The following FBXL20 variants were observed in gnomAD, a reference collection of about 807,000 sequenced individuals.
The protein encoded by FBXL20 is F-box/LRR-repeat protein 20.
FBXL20 carries 11 observed loss-of-function variants against 64.0 expected under a neutral mutation model. The ratio of observed to expected loss-of-function variants is 0.17; its 90% CI spans 0.11 to 0.28. The LOEUF (loss-of-function observed/expected upper bound fraction) is 0.28, where lower values mean the gene tolerates loss of function less well. Ranked by LOEUF, FBXL20 falls within the 10% of genes least tolerant of loss-of-function variation. FBXL20 has a pLI of 1.00. For synonymous variants in FBXL20, 184 were observed against 189.0 expected, an observed-to-expected ratio of 0.97 and a Z score of 0.22; for missense variants, 303 against 526.2, an observed-to-expected ratio of 0.58 and a Z score of 4.15.
At chr17:39,327,396 A>T (rs960956734) in intron 2 of FBXL20, among the ~76,000 whole-genome samples, 3 of 152,184 alleles carry the variant, frequency 2.0e-5, no homozygotes, top group South Asian at 2.1e-4. Flanking sequence ...TAAACATATT[A>T]TGGAGTTATA....
intron 2 of FBXL20, among the ~76,000 whole-genome samples, chr17:39,340,184 C>T (rs1184615139): frequency 2.0e-5 from 3 of 152,086 alleles, no homozygotes; most frequent in South Asian, 2.1e-4. Flanking sequence ...GCAACCTCTG[C>T]CTCCCGGGTT....
At chr17:39,301,166 G>T in intron 3 of FBXL20, 91 bp from the exon 4 acceptor site, 1 of 1,143,856 alleles carries the variant, frequency 8.7e-7, no homozygotes, top group Non-Finnish European at 1.3e-6. Flanking sequence ...ACCAACTAAT[G>T]ACTAAAATGG....
intron 1 of FBXL20, among the ~76,000 whole-genome samples, chr17:39,373,420 A>C (rs781770726): frequency 6.6e-6 from 1 of 152,138 alleles, no homozygotes; most frequent in Non-Finnish European, 1.5e-5. Context: ...ACTGCTTAGA[A>C]CTGCGGGCTG....
intron 2 of FBXL20, among the ~76,000 whole-genome samples, chr17:39,334,645 A>G (rs1597804155): frequency 1.3e-5 from 2 of 152,334 alleles, no homozygotes; most frequent in East Asian, 3.8e-4. Context: ...ATTCTTTTTT[A>G]CCTGAATCCT....
At chr17:39,272,701 C>CAAAAAAAAAAAAA (rs56138431) in intron 10 of FBXL20, among the ~76,000 whole-genome samples, 2 of 98,866 alleles carry the variant, frequency 2.0e-5, no homozygotes, top group Admixed American at 1.1e-4. Context: ...AACTCTATCT[C>CAAAAAAAAAAAAA]AAAAAAAAAA....
intron 2 of FBXL20, among the ~76,000 whole-genome samples, chr17:39,332,585 A>AGT: frequency 7.7e-6 from 1 of 129,646 alleles, no homozygotes; most frequent in South Asian, 2.4e-4. Flanking sequence ...CTCTGTGCCC[A>AGT]GGCTGGAGTG....
intron 14 of FBXL20, among the ~76,000 whole-genome samples, chr17:39,262,721 G>A (rs1026955972): frequency 6.6e-6 from 1 of 151,766 alleles, no homozygotes; most frequent in Admixed American, 6.6e-5. Flanking sequence ...TTTTTCGGCC[G>A]GGCGCAGTGG....
At chr17:39,280,761 T>A (rs983578354) in intron 9 of FBXL20, among the ~76,000 whole-genome samples, 1 of 152,000 alleles carries the variant, frequency 6.6e-6, no homozygotes, top group African/African-American at 2.4e-5. Flanking sequence ...TATATATTGC[T>A]CATCATCTTA....
rs2046696857 is a variant in FBXL20 at position 39,256,476 on chromosome 17, T to G, written c.*4984A>C. On this transcript the variant is annotated 3_prime_UTR_variant, in exon 15 of 15. Transcript: ENST00000264658. The stretch of plus-strand genomic sequence containing the variant: ...ATTCCAACCAAACATCCTACATTTC[T>G]TCTCAAACAGGACTTGGCTAATTCA... 1 of 152,176 alleles carries G rather than the reference T, an allele frequency of 6.6e-6. No individual in the cohort carries two copies. The highest frequency in any genetic ancestry group is 2.4e-5 in the African/African-American group (1 of 41,450). The allele number at this position is 152,176 out of a possible 1,614,324, so 9.4% of individuals were successfully genotyped here.
chr17:39,369,937 A>G (rs1473036106), intron 1 of FBXL20, among the ~76,000 whole-genome samples: 1 of 152,010 alleles, frequency 6.6e-6, no homozygotes, highest in East Asian at 1.9e-4. Flanking sequence ...TCCAACCCAC[A>G]TAATACTTCA....
At position 39,277,327 on chromosome 17, in the gene FBXL20, T is replaced by C. The variant is rs151172164; in HGVS notation, c.697-2227A>G. 6.3e-3 allele frequency among the ~76,000 whole-genome samples: 965 copies of C among 152,290 alleles called. 17 individuals are homozygous for C. The highest frequency in any genetic ancestry group is 0.022 in the African/African-American group (922 of 41,562). ...AGAGGGAAGTAAGAATCAATACACA[T>C]GCAAATTTAGCAGGCCAAAGATATT... On this transcript the variant is annotated intron_variant, in intron 9 of 14. Coordinates refer to ENST00000264658, the MANE Select transcript of FBXL20 (RefSeq NM_032875.3).
intron 1 of FBXL20, among the ~76,000 whole-genome samples, chr17:39,384,881 C>G (rs2048062458): frequency 6.6e-6 from 1 of 152,036 alleles, no homozygotes; most frequent in Non-Finnish European, 1.5e-5. Context: ...ACCTGAGAAG[C>G]GGAGGTTGCA....
intron 1 of FBXL20, among the ~76,000 whole-genome samples, chr17:39,396,504 G>A (rs997001602): frequency 1.3e-5 from 2 of 151,378 alleles, no homozygotes; most frequent in Non-Finnish European, 2.9e-5. Context: ...GCTGAGGCAG[G>A]AGAATCGCTT....
At chr17:39,290,061 T>A (rs147644398) in intron 6 of FBXL20, among the ~76,000 whole-genome samples, 74 of 150,390 alleles carry the variant, frequency 4.9e-4, no homozygotes, top group African/African-American at 1.7e-3. Flanking sequence ...TTTACTTAAG[T>A]CTTTTTAAAA....
At chr17:39,377,097 G>C (rs904732612) in intron 1 of FBXL20, among the ~76,000 whole-genome samples, 7 of 152,140 alleles carry the variant, frequency 4.6e-5, no homozygotes, top group African/African-American at 1.7e-4. Flanking sequence ...CACAAGATTA[G>C]AAATTATGGT....
At chr17:39,310,842 A>ACTG (rs2047228584) in intron 2 of FBXL20, among the ~76,000 whole-genome samples, 2 of 152,188 alleles carry the variant, frequency 1.3e-5, no homozygotes, top group East Asian at 3.9e-4. Context: ...AAAATTAGTC[A>ACTG]GGCATGGTGG....
chr17:39,298,825 T>C (rs2047109272), intron 5 of FBXL20, among the ~76,000 whole-genome samples, 165 bp downstream of exon 5: 1 of 152,208 alleles, frequency 6.6e-6, no homozygotes, highest in African/African-American at 2.4e-5. Flanking sequence ...TGTTCTTGTT[T>C]ACTGTTAAAA....
intron 1 of FBXL20, among the ~76,000 whole-genome samples, chr17:39,364,383 A>T (rs1300844928): frequency 6.6e-6 from 1 of 152,152 alleles, no homozygotes; most frequent in African/African-American, 2.4e-5. Flanking sequence ...GAGGCCAAGG[A>T]GAGTGGATTG....
chr17:39,327,595 A>G (rs1005119428), intron 2 of FBXL20, among the ~76,000 whole-genome samples: 8 of 152,208 alleles, frequency 5.3e-5, no homozygotes, highest in African/African-American at 1.7e-4. Context: ...ATAAAATTAC[A>G]TAAGATGTAC....
Sources: gnomAD v4.1 joint callset for allele counts (sites outside exome capture counted in the v4.1 genomes callset) on GRCh38, gnomAD v4.1.1 for gene constraint, MANE v1.5 for transcripts, NCBI Gene and HGNC (gene_info 2026-07-23, HGNC 2026-07-21) for gene names.